Variants in MAGI1 observed in about 807,000 individuals in gnomAD.
The protein encoded by MAGI1 is membrane-associated guanylate kinase, WW and PDZ domain-containing protein 1.
In MAGI1, 58 loss-of-function variants were observed where a neutral mutation model predicts 139.9. The ratio of observed to expected loss-of-function variants is 0.41; its 90% confidence interval spans 0.34 to 0.52. The LOEUF (loss-of-function observed/expected upper bound fraction) is 0.52, where lower values mean the gene tolerates loss of function less well. MAGI1 is among the 20% of genes least tolerant of loss of function. The pLI is 0.12. For missense variants in MAGI1, 1,874 were observed against 1,901.6 expected (o/e 0.99, Z 0.27); for synonymous variants, 812 against 737.9 (o/e 1.10, Z -1.63).
chr3:65,420,573 G>C (rs1946566380), intron 12 of MAGI1, among the ~76,000 whole-genome samples: 1 of 152,084 alleles, frequency 6.6e-6, no homozygotes, highest in Non-Finnish European at 1.5e-5. Flanking sequence ...TCTATTCCCA[G>C]TGCCTAGACG....
At chr3:65,810,720 A>C (rs1162082549) in intron 1 of MAGI1, among the ~76,000 whole-genome samples, 1 of 152,124 alleles carries the variant, frequency 6.6e-6, no homozygotes, top group African/African-American at 2.4e-5. Context: ...GAAAGCCCGC[A>C]CTCCACAAAA....
intron 1 of MAGI1, among the ~76,000 whole-genome samples, chr3:65,869,187 CGGAGCTTGCA>C (rs1254773339): frequency 7.0e-6 from 1 of 143,004 alleles, no homozygotes; most frequent in Non-Finnish European, 1.5e-5. Flanking sequence ...ACCCAGGAGG[CGGAGCTTGCA>C]GTGAGCCGAG....
At chr3:65,607,607 C>T (rs2106898689) in intron 2 of MAGI1, among the ~76,000 whole-genome samples, 1 of 152,266 alleles carries the variant, frequency 6.6e-6, no homozygotes, top group African/African-American at 2.4e-5. Flanking sequence ...AAATAAAACA[C>T]AAAGCTCACT....
chr3:65,818,885 C>A (rs893836495), intron 1 of MAGI1, among the ~76,000 whole-genome samples: 1 of 152,120 alleles, frequency 6.6e-6, no homozygotes, highest in Non-Finnish European at 1.5e-5. Context: ...TAGTTTATCA[C>A]GGCTCAACAA....
chr3:65,671,011 T>A (rs1031029262), intron 1 of MAGI1, among the ~76,000 whole-genome samples: 3 of 152,234 alleles, frequency 2.0e-5, no homozygotes, highest in African/African-American at 7.2e-5. Flanking sequence ...ATTGTAATGA[T>A]GTTAATATTT....
At chr3:65,465,925 C>A (rs188939176) in intron 5 of MAGI1, among the ~76,000 whole-genome samples, 39 of 152,152 alleles carry the variant, frequency 2.6e-4, no homozygotes, top group African/African-American at 8.4e-4. Flanking sequence ...TTTTCTTCCC[C>A]CAGTTGATTT....
chr3:65,544,788 A>T (rs1156927800), intron 2 of MAGI1, among the ~76,000 whole-genome samples: 1 of 152,222 alleles, frequency 6.6e-6, no homozygotes, highest in Admixed American at 6.5e-5. Context: ...AGCAAAGAAT[A>T]TATAAGCTGT....
rs1472836045 is a variant in MAGI1, at chr3:65,376,569, G to A, written c.2996-624C>T. 2.0e-5 allele frequency among the ~76,000 whole-genome samples: 3 copies of A among 152,184 alleles called. No homozygotes were observed. In the East Asian group the frequency reaches 5.8e-4, roughly 29 times the overall value. On this transcript the variant is annotated intron_variant, in intron 17 of 22. Coordinates refer to ENST00000402939, the MANE Select transcript of MAGI1 (RefSeq NM_001033057.2). ...AAAAGGGTGTAATTATAAGAGATGA[G>A]CCAAGAAAGCACCCAACCTTGAAGC...
chr3:65,473,639 C>CAAAAA (rs35970775), intron 4 of MAGI1, among the ~76,000 whole-genome samples: 10 of 87,350 alleles, frequency 1.1e-4, no homozygotes, highest in South Asian at 4.1e-4. Flanking sequence ...TACATGTTTA[C>CAAAAA]AAAAAAAAAA....
chr3:65,887,165 T>G (rs575752669), intron 1 of MAGI1, among the ~76,000 whole-genome samples: 1 of 152,236 alleles, frequency 6.6e-6, no homozygotes, highest in South Asian at 2.1e-4. Flanking sequence ...TGCATATTTT[T>G]ATCTGTATAG....
At chr3:65,944,298 A>C (rs958915470) in intron 1 of MAGI1, among the ~76,000 whole-genome samples, 2 of 152,174 alleles carry the variant, frequency 1.3e-5, no homozygotes, top group African/African-American at 4.8e-5. Flanking sequence ...GGACAGCTTG[A>C]GCCCAGGAGT....
rs182278369 is a variant in MAGI1 at position 65,727,463 on chromosome 3, C to T, written c.314-105375G>A. Among the ~76,000 whole-genome samples the T allele has an allele frequency of 8.1e-3, 1,239 of 152,210 alleles. 9 individuals carry two copies. Among genetic ancestry groups the T allele is most frequent in the Middle Eastern group, 0.024 (7 of 294 alleles). On this transcript the variant is annotated intron_variant, in intron 1 of 22. Transcript: ENST00000402939. Reference sequence around the variant, plus strand: ...CAGGCTGGCCTTGAACTTCTGTGTTCGAGCAATCCTCCAGCCTCAGCCTCC... The same window carrying T: ...CAGGCTGGCCTTGAACTTCTGTGTTTGAGCAATCCTCCAGCCTCAGCCTCC...
Position 65,396,462 on chromosome 3 carries a change from A to C in MAGI1, c.2199+4977T>G, listed in dbSNP as rs185352553. On this transcript the variant is annotated intron_variant, in intron 13 of 22. Coordinates refer to ENST00000402939, the MANE Select transcript of MAGI1 (RefSeq NM_001033057.2). ...TCCCTTACTTACTGTCAGGCCAGGG[A>C]AATTGGGAAGACATAATGGTTTTTA... Among the ~76,000 whole-genome samples, 17 of 152,348 alleles carry C rather than the reference A, an allele frequency of 1.1e-4. No individual in the cohort carries two copies. In the East Asian group the frequency reaches 3.3e-3, roughly 29 times the overall value.
At chr3:65,764,086 A>AG (rs1439813665) in intron 1 of MAGI1, among the ~76,000 whole-genome samples, 1 of 149,768 alleles carries the variant, frequency 6.7e-6, no homozygotes, top group Non-Finnish European at 1.5e-5. Flanking sequence ...GAAAAAAAGA[A>AG]AAAAAAAAAA....
At chr3:65,596,513 C>T (rs2082205697) in intron 2 of MAGI1, among the ~76,000 whole-genome samples, 1 of 152,176 alleles carries the variant, frequency 6.6e-6, no homozygotes, top group Admixed American at 6.5e-5. Flanking sequence ...AAGGGCCCAA[C>T]ATACCTAATC....
At chr3:65,936,955 T>C (rs2063090077) in intron 1 of MAGI1, among the ~76,000 whole-genome samples, 1 of 150,682 alleles carries the variant, frequency 6.6e-6, no homozygotes, top group African/African-American at 2.4e-5. Flanking sequence ...GTGATGGTGA[T>C]GGTGGTGGTG....
intron 1 of MAGI1, among the ~76,000 whole-genome samples, chr3:65,990,272 T>C (rs2066102294): frequency 6.6e-6 from 1 of 152,112 alleles, no homozygotes; most frequent in Non-Finnish European, 1.5e-5. Context: ...CCAGGCAGGT[T>C]CTCGGTCAGC....
chr3:65,389,784 CT>C (rs993307303), intron 14 of MAGI1, among the ~76,000 whole-genome samples: 1 of 152,144 alleles, frequency 6.6e-6, no homozygotes, highest in Admixed American at 6.5e-5. Context: ...AATTAGTGGG[CT>C]TTTTGTCAGC....
rs552840878 is a variant in MAGI1 at position 65,870,727 on chromosome 3, A to G, written c.313+167269T>C. Among the ~76,000 whole-genome samples the G allele has an allele frequency of 1.6e-3, 239 of 151,878 alleles. 1 individual carries two copies. The highest frequency in any genetic ancestry group is 5.4e-3 in the African/African-American group (222 of 41,422). On this transcript the variant is annotated intron_variant, in intron 1 of 22. Transcript: ENST00000402939. The stretch of plus-strand genomic sequence containing the variant: ...TTTACCATTTTAGTGAAAAAAAAAA[A>G]AAAGAAAGAATGAAAAGGAAATGAA...
Sources: allele counts gnomAD v4.1 joint callset (sites outside exome capture counted in the v4.1 genomes callset), GRCh38; gene constraint gnomAD v4.1.1; transcripts MANE v1.5; gene names NCBI Gene and HGNC (gene_info 2026-07-23, HGNC 2026-07-21).